Variants in ARK2C observed in about 807,000 individuals in gnomAD.
ARK2C encodes the protein arkadia (RNF111) C-terminal like ring finger ubiquitin ligase 2C.
chr18:46,366,816 A>G, the ARK2C span, among the ~76,000 whole-genome samples: 6 of 152,196 alleles, frequency 3.9e-5, no homozygotes, highest in Non-Finnish European at 1.5e-5. Context: ...CGTGTGGACT[A>G]CCTGCCATAA....
the ARK2C span, among the ~76,000 whole-genome samples, chr18:46,436,487 T>A: frequency 1.9e-4 from 29 of 152,220 alleles, no homozygotes; most frequent in Non-Finnish European, 3.5e-4. Flanking sequence ...AATCTATCAA[T>A]GGAAAAGAAT....
the ARK2C span, among the ~76,000 whole-genome samples, chr18:46,361,673 T>G: frequency 6.6e-6 from 1 of 152,194 alleles, no homozygotes; most frequent in Admixed American, 6.5e-5. Context: ...AAGCTGGCTG[T>G]CTGAGGAAGA....
chr18:46,350,595 C>T, the ARK2C span, among the ~76,000 whole-genome samples: 2 of 152,170 alleles, frequency 1.3e-5, no homozygotes, highest in African/African-American at 4.8e-5. Context: ...GAAGAAGCAG[C>T]AGGGCCAGGA....
At chr18:46,403,226 G>A in the ARK2C span, among the ~76,000 whole-genome samples, 1 of 152,150 alleles carries the variant, frequency 6.6e-6, no homozygotes. Context: ...CTGGCAAAAT[G>A]TCCATCTCTC....
the ARK2C span, chr18:46,387,213 C>T: frequency 4.6e-5 from 7 of 152,294 alleles, no homozygotes; most frequent in Admixed American, 2.6e-4. Context: ...CAAACTTCAA[C>T]GTCCAGCTGA....
At chr18:46,424,430 T>C in the ARK2C span, among the ~76,000 whole-genome samples, 55 of 152,288 alleles carry the variant, frequency 3.6e-4, no homozygotes, top group African/African-American at 1.3e-3. Flanking sequence ...CAGCCATTTA[T>C]TTGGAAGAGG....
the ARK2C span, among the ~76,000 whole-genome samples, chr18:46,365,594 C>T: frequency 1.3e-5 from 2 of 152,202 alleles, no homozygotes; most frequent in Non-Finnish European, 2.9e-5. Context: ...ACTTCTGCCT[C>T]CTGGTTTCAG....
the ARK2C span, among the ~76,000 whole-genome samples, chr18:46,339,803 A>G: frequency 2.0e-5 from 3 of 152,258 alleles, no homozygotes; most frequent in Admixed American, 1.3e-4. Flanking sequence ...AAAGACCACC[A>G]AAAGTGTTGA....
At chr18:46,452,382 C>A in the ARK2C span, among the ~76,000 whole-genome samples, 1 of 152,124 alleles carries the variant, frequency 6.6e-6, no homozygotes, top group Non-Finnish European at 1.5e-5. Flanking sequence ...TGGGTTCAAG[C>A]AATTCTCCCA....
At chr18:46,434,226 T>C in the ARK2C span, among the ~76,000 whole-genome samples, 1 of 152,216 alleles carries the variant, frequency 6.6e-6, no homozygotes, top group African/African-American at 2.4e-5. Flanking sequence ...TCTTTTCCAC[T>C]CTTACAAATT....
At chr18:46,456,681 C>G in the ARK2C span, 1 of 1,379,278 alleles carries the variant, frequency 7.3e-7, no homozygotes, top group South Asian at 1.2e-5. Context: ...CACCAGGTCC[C>G]CCCACGGCCA....
chr18:46,420,501 C>T, the ARK2C span, among the ~76,000 whole-genome samples: 1 of 152,166 alleles, frequency 6.6e-6, no homozygotes, highest in Non-Finnish European at 1.5e-5. Context: ...CTTTTGGCAC[C>T]AGACAATGCT....
the ARK2C span, among the ~76,000 whole-genome samples, chr18:46,421,352 T>G: frequency 1.3e-5 from 2 of 151,688 alleles, no homozygotes; most frequent in African/African-American, 4.9e-5. Flanking sequence ...TCCTCCATGC[T>G]CACCTGTTCG....
the ARK2C span, among the ~76,000 whole-genome samples, chr18:46,413,524 G>A: frequency 1.3e-5 from 2 of 152,182 alleles, no homozygotes; most frequent in East Asian, 1.9e-4. Flanking sequence ...CCTGGACTAC[G>A]GGATAGCAAG....
the ARK2C span, among the ~76,000 whole-genome samples, chr18:46,364,311 A>G: frequency 6.6e-6 from 1 of 151,660 alleles, no homozygotes; most frequent in Admixed American, 6.6e-5. Context: ...ACCTCCACCT[A>G]TGCACTTTTT....
At chr18:46,414,328 T>A in the ARK2C span, among the ~76,000 whole-genome samples, 7 of 152,216 alleles carry the variant, frequency 4.6e-5, no homozygotes, top group African/African-American at 1.2e-4. Flanking sequence ...TAAAAAATCA[T>A]TAGCCTTCCA....
chr18:46,372,494 T>C, the ARK2C span, among the ~76,000 whole-genome samples: 2 of 152,204 alleles, frequency 1.3e-5, no homozygotes, highest in Admixed American at 1.3e-4. Context: ...GAACCCCATG[T>C]GGGGCCACCT....
chr18:46,451,917 G>C, the ARK2C span, among the ~76,000 whole-genome samples: 7 of 152,206 alleles, frequency 4.6e-5, no homozygotes, highest in Non-Finnish European at 7.3e-5. Flanking sequence ...GCTGTGTACT[G>C]TATGTTTCCA....
the ARK2C span, chr18:46,456,627 C>T: frequency 6.2e-7 from 1 of 1,611,712 alleles, no homozygotes. Flanking sequence ...AACTGGGAGC[C>T]GACAGCTGAG....
Sources: allele counts gnomAD v4.1 joint callset (sites outside exome capture counted in the v4.1 genomes callset), GRCh38; gene constraint gnomAD v4.1.1; transcripts MANE v1.5; gene names NCBI Gene and HGNC (gene_info 2026-07-23, HGNC 2026-07-21).